Variants in ACSS2 observed in about 807,000 individuals in gnomAD.
ACSS2 encodes acyl-CoA synthetase short chain family member 2.
Under a neutral mutation model 90.6 loss-of-function variants are expected in ACSS2, and 58 were observed. The ratio of observed to expected loss-of-function variants is 0.64; its 90% CI spans 0.52 to 0.80. ACSS2 has a LOEUF of 0.80. Ranked by LOEUF, ACSS2 falls within the 30% of genes least tolerant of loss-of-function variation. The pLI, the probability that ACSS2 is intolerant of heterozygous loss-of-function variation, is 0.00. For synonymous variants in ACSS2, 300 were observed against 330.9 expected (o/e 0.91, Z 1.01); for missense variants, 759 against 912.0 (o/e 0.83, Z 2.16).
chr20:34,915,360 ACCT>A, intron 7 of ACSS2: 1 of 1,384,974 alleles, frequency 7.2e-7, no homozygotes, highest in Admixed American at 1.7e-5. Flanking sequence ...GCCAGACCTA[ACCT>A]CCTTCCCCTT....
At chr20:34,911,661 C>T (rs1169462438) in intron 2 of ACSS2, among the ~76,000 whole-genome samples, 2 of 152,090 alleles carry the variant, frequency 1.3e-5, no homozygotes, top group Non-Finnish European at 2.9e-5. Context: ...TCTCCCTAGT[C>T]ACTCATTTTT....
At position 34,920,539 on chromosome 20, in the gene ACSS2, G is replaced by T. The variant is rs771447628; in HGVS notation, c.973G>T (p.Gly325Cys). 6.2e-7 allele frequency: 1 copy of T among 1,613,426 alleles called. No individual in the cohort carries two copies. The highest frequency in any genetic ancestry group is 8.5e-7 in the Non-Finnish European group (1 of 1,179,874). ...AACCTGTTCCCCATTCTTCCCACAG[G>T]GTGTGGTTCACACAGTTGGGGGCTA... ...YTSGSTGKPK[G>C]VVHTVGGYML... Residue 325 changes from glycine (G) to cysteine (C), a missense_variant and splice_region_variant, in exon 9 of 18, where the codon GGT becomes TGT. By Grantham distance (159) the Gly-to-Cys change is radical. Coordinates refer to ENST00000360596, the MANE Select transcript of ACSS2 (RefSeq NM_018677.4).
chr20:34,918,624 T>C (rs1238346738), intron 7 of ACSS2, among the ~76,000 whole-genome samples: 1 of 151,978 alleles, frequency 6.6e-6, no homozygotes, highest in Non-Finnish European at 1.5e-5. Flanking sequence ...TTGGTACCAG[T>C]GGTGTAAAGG....
chr20:34,900,337 ATT>A lies in ACSS2; in HGVS notation c.375-12743_375-12742del, dbSNP rs35829893. ...GGTGCGTGCCACCATGCCCGGCTAA[ATT>A]TTTTTTTTTTTTTTTAGTAGAGATG... is the stretch of plus-strand genomic sequence containing the variant. On this transcript the variant is annotated intron_variant, in intron 2 of 17. Transcript: ENST00000360596. 4.1e-3 allele frequency among the ~76,000 whole-genome samples: 578 copies of A among 141,968 alleles called. 1 individual carries two copies. Among genetic ancestry groups the A allele is most frequent in the Middle Eastern group, 7.2e-3 (2 of 278 alleles). The allele number at this position is 141,968 out of a possible 152,430, so 93.1% of individuals were successfully genotyped here.
intron 2 of ACSS2, among the ~76,000 whole-genome samples, chr20:34,901,824 A>G (rs1227953133): frequency 6.6e-6 from 1 of 152,160 alleles, no homozygotes; most frequent in African/African-American, 2.4e-5. Context: ...AACCTGAACA[A>G]TCCTGTGCTG....
chr20:34,923,440 T>A lies in ACSS2; in HGVS notation c.1657+9T>A. 1 of 1,602,540 alleles carries A rather than the reference T, an allele frequency of 6.2e-7. No individual in the cohort carries two copies. The highest frequency in any genetic ancestry group is 8.5e-7 in the Non-Finnish European group (1 of 1,169,674). ...CTATGTTACAGGAGATGGTGAGCCT[T>A]AGCTATCCCCCTCTTGCACCTCCCA... On this transcript the variant is annotated intron_variant, in intron 14 of 17. Transcript: ENST00000360596.
chr20:34,885,131 C>T lies in ACSS2; in HGVS notation c.374+2142C>T, dbSNP rs1011191567. On this transcript the variant is annotated intron_variant, in intron 2 of 17. Coordinates refer to ENST00000360596, the MANE Select transcript of ACSS2 (RefSeq NM_018677.4). ...GGGAGGATTGCTTGAGCCCAGGAGG[C>T]GGAGGTTGCAGTGAGCACAGATCAC... is the stretch of plus-strand genomic sequence containing the variant. 7.9e-5 allele frequency among the ~76,000 whole-genome samples: 12 copies of T among 151,730 alleles called. 1 individual carries two copies. The highest frequency in any genetic ancestry group is 2.1e-4 in the South Asian group (1 of 4,808).
At chr20:34,894,782 C>T (rs975573348) in intron 2 of ACSS2, among the ~76,000 whole-genome samples, 1 of 152,174 alleles carries the variant, frequency 6.6e-6, no homozygotes, top group African/African-American at 2.4e-5. Flanking sequence ...CCATGCTGTA[C>T]TTGCTAAGAC....
At chr20:34,920,743 T>A in intron 9 of ACSS2, 34 bp downstream of exon 9, 2 of 1,587,912 alleles carry the variant, frequency 1.3e-6, no homozygotes, top group South Asian at 2.3e-5. Flanking sequence ...AGCTGGGGGA[T>A]GGACAAGATT....
rs768719024 is a variant in ACSS2 at position 34,925,698 on chromosome 20, G to T, written c.1658G>T (p.Gly553Val). Reference protein sequence around the residue: ...KFPGYYVTGDGCQRDQDGYYW... With the variant: ...KFPGYYVTGDVCQRDQDGYYW... ...TATTAGGTTTTGCATTTCTTCCCAG[G>T]CTGCCAGCGGGACCAGGATGGCTAT... is the stretch of plus-strand genomic sequence containing the variant. The change falls in exon 15 of 18, where the codon GGC (glycine) becomes GTC (valine). Residue 553 changes from glycine (G) to valine (V), a missense_variant and splice_region_variant. Gly to Val is a moderately radical substitution (Grantham distance 109). Transcript: ENST00000360596. 19 of 1,612,974 alleles carry T rather than the reference G, an allele frequency of 1.2e-5. No homozygotes were observed. In the East Asian group the frequency reaches 4.2e-4, roughly 36 times the overall value.
At position 34,876,722 on chromosome 20, in the gene ACSS2, C is replaced by A. The variant is rs1192672353; in HGVS notation, c.77C>A (p.Ala26Glu). ...GQEEAGAGGRARSWSPPPEVS... is the reference protein window; with the variant it reads ...GQEEAGAGGRERSWSPPPEVS... Reference sequence around the variant, plus strand: ...GAGGAAGCTGGAGCCGGAGGCCGGGCGCGGAGTTGGTCTCCGCCGCCCGAG... The same window carrying A: ...GAGGAAGCTGGAGCCGGAGGCCGGGAGCGGAGTTGGTCTCCGCCGCCCGAG... Residue 26 changes from alanine (A) to glutamate (E), a missense_variant, in exon 1 of 18, where the codon GCG becomes GAG. By Grantham distance (107) the Ala-to-Glu change is moderately radical. Coordinates refer to ENST00000360596, the MANE Select transcript of ACSS2 (RefSeq NM_018677.4). 6.9e-7 allele frequency: 1 copy of A among 1,445,066 alleles called. No homozygotes were observed. Among genetic ancestry groups the A allele is most frequent in the Non-Finnish European group, 9.2e-7 (1 of 1,091,090 alleles). 89.5% of individuals were successfully genotyped at this position (1,445,066 alleles called of 1,614,324 possible).
At chr20:34,876,515 A>C, upstream of ACSS2, 2 of 1,011,622 alleles carry the variant, frequency 2.0e-6, no homozygotes, top group Non-Finnish European at 2.6e-6. Flanking sequence ...CCCACCCGCC[A>C]GACTAAGCCA....
intron 2 of ACSS2, among the ~76,000 whole-genome samples, chr20:34,900,331 G>A (rs570355028): frequency 2.9e-4 from 33 of 114,954 alleles, no homozygotes; most frequent in African/African-American, 1.2e-3. Flanking sequence ...CACCATGCCC[G>A]GCTAAATTTT....
At chr20:34,903,201 G>A (rs2080711630) in intron 2 of ACSS2, among the ~76,000 whole-genome samples, 1 of 152,014 alleles carries the variant, frequency 6.6e-6, no homozygotes, top group South Asian at 2.1e-4. Context: ...AATTAGCCAG[G>A]CATGGTGGCA....
chr20:34,887,577 T>TA (rs1163968831), intron 2 of ACSS2, among the ~76,000 whole-genome samples: 2 of 151,248 alleles, frequency 1.3e-5, no homozygotes, highest in East Asian at 1.9e-4. Flanking sequence ...CTGTCTCTAC[T>TA]AAAAAATACA....
chr20:34,919,669 TA>T (rs1237612464), intron 8 of ACSS2, 97 bp downstream of exon 8: 1 of 1,462,572 alleles, frequency 6.8e-7, no homozygotes, highest in Non-Finnish European at 9.1e-7. Context: ...GTAATGAAAT[TA>T]TTTTTTTCCT....
chr20:34,900,341 T>G (rs1349321023), intron 2 of ACSS2, among the ~76,000 whole-genome samples: 1 of 151,320 alleles, frequency 6.6e-6, no homozygotes, highest in African/African-American at 2.4e-5. Context: ...GGCTAAATTT[T>G]TTTTTTTTTT....
intron 2 of ACSS2, among the ~76,000 whole-genome samples, chr20:34,909,121 A>T (rs1339312243): frequency 1.4e-5 from 2 of 147,410 alleles, no homozygotes; most frequent in Admixed American, 6.9e-5. Context: ...AGGCTGAGGC[A>T]GGAGGATTGG....
intron 7 of ACSS2, among the ~76,000 whole-genome samples, chr20:34,916,220 C>A (rs1368364723): frequency 6.6e-6 from 1 of 152,176 alleles, no homozygotes; most frequent in East Asian, 1.9e-4. Context: ...AAAGAGGTGA[C>A]AAACTTAGTG....
Sources: allele counts gnomAD v4.1 joint callset (sites outside exome capture counted in the v4.1 genomes callset), GRCh38; gene constraint gnomAD v4.1.1; transcripts MANE v1.5; gene names NCBI Gene and HGNC (gene_info 2026-07-23, HGNC 2026-07-21).